The following CASK variants were observed in gnomAD, a reference collection of about 807,000 sequenced individuals.
The protein encoded by CASK is peripheral plasma membrane protein CASK.
CASK carries 4 observed loss-of-function variants against 82.9 expected under a neutral mutation model. The observed-to-expected ratio is 0.05, with a 90% confidence interval of 0.02 to 0.11. The LOEUF (loss-of-function observed/expected upper bound fraction) is 0.11, where lower values mean the gene tolerates loss of function less well. CASK is among the 10% of genes least tolerant of loss of function. The pLI, the probability that CASK is intolerant of heterozygous loss-of-function variation, is 1.00. For missense variants in CASK, 358 were observed against 720.9 expected (o/e 0.50, Z 5.76); for synonymous variants, 259 against 253.5 (o/e 1.02, Z -0.20).
intron 25 of CASK, among the ~76,000 whole-genome samples, chrX:41,529,945 G>T (rs752931015): frequency 8.9e-6 from 1 of 111,833 alleles, no homozygotes; most frequent in Non-Finnish European, 1.9e-5. Flanking sequence ...TATAGGTTCT[G>T]TCCTTGCTTT....
intron 5 of CASK, chrX:41,675,645 G>T (rs1262050713): frequency 7.9e-6 from 5 of 633,861 alleles, no homozygotes; most frequent in African/African-American, 2.2e-5. Context: ...TCAAATAGAA[G>T]TAACATAAAC....
intron 6 of CASK, 119 bp downstream of exon 6, chrX:41,671,309 G>T: frequency 1.9e-6 from 1 of 518,788 alleles, no homozygotes; most frequent in Non-Finnish European, 3.5e-6. Flanking sequence ...TTTGGGAGTT[G>T]GGGTGGGGTG....
intron 3 of CASK, among the ~76,000 whole-genome samples, chrX:41,775,548 G>A (rs746941740): frequency 1.9e-5 from 2 of 105,551 alleles, no homozygotes; most frequent in Non-Finnish European, 4.0e-5. Context: ...TATACCCAAA[G>A]GACTATAAAT....
At chrX:41,652,585 C>T (rs1046393890) in intron 8 of CASK, among the ~76,000 whole-genome samples, 1 of 110,719 alleles carries the variant, frequency 9.0e-6, no homozygotes, top group African/African-American at 3.3e-5. Flanking sequence ...TTTGGCCCCA[C>T]CCCCAACCTC....
At chrX:41,790,999 A>T (rs1027969027) in intron 2 of CASK, among the ~76,000 whole-genome samples, 1 of 111,889 alleles carries the variant, frequency 8.9e-6, no homozygotes, top group Non-Finnish European at 1.9e-5. Flanking sequence ...AGTGGTGATT[A>T]TCTGACTGCT....
At position 41,854,629 on chromosome X, in the gene CASK, A is replaced by G. The variant is rs2071337986; in HGVS notation, c.60-1402T>C. ...CCTTAAAGTTTTTCTTCTTTCAACTACAGGACGAACTACTAAATTTAATCT... is the reference window on the plus strand; with the variant it reads ...CCTTAAAGTTTTTCTTCTTTCAACTGCAGGACGAACTACTAAATTTAATCT... On this transcript the variant is annotated intron_variant, in intron 1 of 26. Transcript: ENST00000378163. 3.6e-5 allele frequency among the ~76,000 whole-genome samples: 4 copies of G among 112,376 alleles called. No individual in the cohort carries two copies. The Admixed American group carries it at 3.8e-4, about 11-fold the overall frequency.
chrX:41,880,008 T>C (rs1312148531), intron 1 of CASK, among the ~76,000 whole-genome samples: 3 of 111,866 alleles, frequency 2.7e-5, no homozygotes, highest in Middle Eastern at 4.2e-3. Flanking sequence ...TATCTCCTTA[T>C]GCATCCCCAA....
At chrX:41,697,677 T>G in intron 5 of CASK, 1 of 111,627 alleles carries the variant, frequency 9.0e-6, no homozygotes, top group Non-Finnish European at 1.9e-5. Flanking sequence ...TGAACTACAC[T>G]CACATGCATC....
intron 11 of CASK, among the ~76,000 whole-genome samples, chrX:41,612,386 A>G (rs1364338736): frequency 5.8e-5 from 5 of 86,152 alleles, no homozygotes; most frequent in Admixed American, 2.5e-4. Flanking sequence ...CCGCCCGGCA[A>G]CCGCCCCGTC....
intron 11 of CASK, among the ~76,000 whole-genome samples, chrX:41,618,983 C>T (rs1401263352): frequency 9.2e-6 from 1 of 108,800 alleles, no homozygotes; most frequent in Non-Finnish European, 1.9e-5. Flanking sequence ...CCCGCCACCA[C>T]ACCTGGCTAA....
chrX:41,586,918 G>A lies in CASK; in HGVS notation c.1303C>T (p.Pro435Ser). ...TAATTATTACTTACCATGAAATGAG[G>A]TTGTGTTAAAATACGCTTTAGTTCC... is the stretch of plus-strand genomic sequence containing the variant. The part of the protein sequence containing the change: ...AKELKRILTQ[P>S]HFMALLQTHD... Residue 435 changes from proline (P) to serine (S), a missense_variant, in exon 14 of 27, where the codon CCT (proline) becomes TCT (serine). Pro to Ser is a moderately conservative substitution (Grantham distance 74, BLOSUM62 -1). Around this residue, in one of 5 missense-constraint regions of CASK, gnomAD observed 110 missense variants for 218.8 expected, o/e 0.50. Transcript: ENST00000378163. The A allele has an allele frequency of 2.6e-6, 3 of 1,159,438 alleles. No homozygotes were observed. Among genetic ancestry groups the A allele is most frequent in the Non-Finnish European group, 2.4e-6 (2 of 848,597 alleles).
At chrX:41,919,780 GAA>G (rs2072753492) in intron 1 of CASK, among the ~76,000 whole-genome samples, 1 of 112,218 alleles carries the variant, frequency 8.9e-6, no homozygotes, top group Non-Finnish European at 1.9e-5. Flanking sequence ...GAAACACAGG[GAA>G]AAGAGTTTTA....
chrX:41,695,338 T>A (rs1213003923), intron 5 of CASK, among the ~76,000 whole-genome samples: 3 of 102,144 alleles, frequency 2.9e-5, no homozygotes, highest in Non-Finnish European at 6.0e-5. Context: ...TTTAAAGAGA[T>A]GGGGTCTTGT....
intron 1 of CASK, among the ~76,000 whole-genome samples, chrX:41,902,028 G>T: frequency 9.0e-6 from 1 of 111,164 alleles, no homozygotes; most frequent in Non-Finnish European, 1.9e-5. Flanking sequence ...ATCCGCCAGG[G>T]TGAGTCTGGA....
At chrX:41,730,082 T>A (rs1257308136) in intron 5 of CASK, 1 of 121,260 alleles carries the variant, frequency 8.2e-6, no homozygotes, top group Non-Finnish European at 1.9e-5. Context: ...TATTCTCTTC[T>A]CAGATAACCA....
chrX:41,753,916 A>G (rs749671503), intron 3 of CASK, among the ~76,000 whole-genome samples: 1 of 112,310 alleles, frequency 8.9e-6, no homozygotes, highest in African/African-American at 3.2e-5. Flanking sequence ...TTTTAAAGCA[A>G]TTAATAAATC....
At chrX:41,751,194 C>T (rs1004882221) in intron 3 of CASK, among the ~76,000 whole-genome samples, 1 of 111,867 alleles carries the variant, frequency 8.9e-6, no homozygotes, top group African/African-American at 3.2e-5. Flanking sequence ...GTGATCCTCC[C>T]GCCTCAGCCT....
intron 5 of CASK, chrX:41,726,964 A>G: frequency 1.7e-6 from 1 of 591,023 alleles, no homozygotes; most frequent in Non-Finnish European, 2.6e-6. Context: ...AAATAATTTT[A>G]ATATTAAATA....
intron 3 of CASK, among the ~76,000 whole-genome samples, chrX:41,752,605 C>CA (rs1290001922): frequency 2.7e-5 from 3 of 111,542 alleles, no homozygotes; most frequent in African/African-American, 9.8e-5. Context: ...ATATTCCTAA[C>CA]AATGATAATG....
Sources: gnomAD v4.1 joint callset for allele counts (sites outside exome capture counted in the v4.1 genomes callset) on GRCh38, gnomAD v4.1.1 for gene constraint, gnomAD v4.1.1 regional missense constraint, MANE v1.5 for transcripts, NCBI Gene and HGNC (gene_info 2026-07-23, HGNC 2026-07-21) for gene names.